The following PRKCH variants were observed in gnomAD, a reference collection of about 807,000 sequenced individuals.
PRKCH encodes the protein protein kinase C eta type.
PRKCH carries 28 observed loss-of-function variants against 82.5 expected under a neutral mutation model. The ratio of observed to expected loss-of-function variants is 0.34; its 90% CI spans 0.25 to 0.47. PRKCH has a LOEUF of 0.47. Among genes scored for constraint, PRKCH ranks in the 20% least tolerant of loss-of-function variants. The probability of loss-of-function intolerance (pLI) is 1.00; values close to 1 mark genes in which losing one functional copy is unlikely to be tolerated. For synonymous variants in PRKCH, 322 were observed against 327.4 expected (o/e 0.98, Z 0.18); for missense variants, 705 against 881.8 (o/e 0.80, Z 2.54).
At chr14:61,231,094 C>A (rs879507648) in intron 1 of PRKCH, among the ~76,000 whole-genome samples, 2 of 152,158 alleles carry the variant, frequency 1.3e-5, no homozygotes, top group Non-Finnish European at 2.9e-5. Flanking sequence ...GTTAAGAAAG[C>A]ACAGACTCTG....
At chr14:61,502,582 A>G (rs998665266) in intron 10 of PRKCH, among the ~76,000 whole-genome samples, 5 of 152,184 alleles carry the variant, frequency 3.3e-5, no homozygotes, top group Non-Finnish European at 7.3e-5. Context: ...AAAGAGTAGC[A>G]GCACATACTT....
intron 2 of PRKCH, among the ~76,000 whole-genome samples, chr14:61,410,393 T>A (rs8004774): frequency 6.6e-6 from 1 of 152,196 alleles, no homozygotes; most frequent in African/African-American, 2.4e-5. Flanking sequence ...TTAATCTTTT[T>A]ACTCTGCTCC....
chr14:61,381,498 C>T (rs1178871494), intron 1 of PRKCH, among the ~76,000 whole-genome samples: 1 of 152,158 alleles, frequency 6.6e-6, no homozygotes, highest in Non-Finnish European at 1.5e-5. Flanking sequence ...GTAGTATTTG[C>T]CTATTGCAAC....
intron 1 of PRKCH, among the ~76,000 whole-genome samples, chr14:61,340,043 T>C (rs1339356633): frequency 1.3e-5 from 2 of 151,990 alleles, no homozygotes; most frequent in African/African-American, 2.4e-5. Context: ...TTCAGTCCTC[T>C]GTTGGCCTTG....
intron 1 of PRKCH, among the ~76,000 whole-genome samples, chr14:61,268,414 C>T (rs2045123213): frequency 6.6e-6 from 1 of 151,992 alleles, no homozygotes. Flanking sequence ...ACCTGTAATC[C>T]CAGCACTTTG....
chr14:61,206,580 G>A (rs1030293983), intron 1 of PRKCH, among the ~76,000 whole-genome samples: 50 of 152,162 alleles, frequency 3.3e-4, no homozygotes, highest in Non-Finnish European at 6.8e-4. Flanking sequence ...GGAACATGGA[G>A]AAAGATAGGG....
intron 10 of PRKCH, among the ~76,000 whole-genome samples, chr14:61,510,166 T>C (rs1414589727): frequency 2.0e-5 from 3 of 152,086 alleles, no homozygotes; most frequent in Non-Finnish European, 4.4e-5. Context: ...AGCTGGCAGC[T>C]GAGGTAGATG....
rs115745793 is a variant in PRKCH at position 61,499,529 on chromosome 14, C to T, written c.1433+13873C>T. On this transcript the variant is annotated intron_variant, in intron 10 of 13. Transcript: ENST00000332981. ...ACATCTTGCTCCTCCCTTTTCACTG[C>T]TCCTCTGGCCTCCAGAGTAGCCATG... 4.1e-3 allele frequency among the ~76,000 whole-genome samples: 623 copies of T among 152,234 alleles called. 11 individuals carry two copies. The highest frequency in any genetic ancestry group is 0.014 in the African/African-American group (595 of 41,490).
At chr14:61,269,538 C>G (rs1024470851) in intron 1 of PRKCH, among the ~76,000 whole-genome samples, 1 of 152,144 alleles carries the variant, frequency 6.6e-6, no homozygotes, top group Non-Finnish European at 1.5e-5. Flanking sequence ...CTCATGGGCC[C>G]CAGGGTGCGT....
At chr14:61,209,124 C>T (rs1168442932) in intron 1 of PRKCH, among the ~76,000 whole-genome samples, 1 of 152,078 alleles carries the variant, frequency 6.6e-6, no homozygotes, top group Non-Finnish European at 1.5e-5. Flanking sequence ...CTCTCATGCT[C>T]TCTTGCCCTT....
At chr14:61,332,114 C>T (rs2045796451) in intron 1 of PRKCH, among the ~76,000 whole-genome samples, 1 of 152,196 alleles carries the variant, frequency 6.6e-6, no homozygotes, top group Non-Finnish European at 1.5e-5. Context: ...GCCATTCTCA[C>T]TAGTTTGGCA....
chr14:61,299,196 G>A (rs1007144656), intron 1 of PRKCH, among the ~76,000 whole-genome samples: 1 of 152,184 alleles, frequency 6.6e-6, no homozygotes, highest in African/African-American at 2.4e-5. Context: ...TGGGTACAGG[G>A]AGGGAGAATT....
At chr14:61,381,706 G>A (rs2046512303) in intron 1 of PRKCH, among the ~76,000 whole-genome samples, 1 of 152,218 alleles carries the variant, frequency 6.6e-6, no homozygotes, top group South Asian at 2.1e-4. Flanking sequence ...ACATCAGGCT[G>A]GTGCCACTCC....
At chr14:61,409,166 G>A (rs937528099) in intron 2 of PRKCH, among the ~76,000 whole-genome samples, 8 of 152,194 alleles carry the variant, frequency 5.3e-5, no homozygotes, top group Admixed American at 3.3e-4. Context: ...GTGCCATGGG[G>A]GTGGTGGCTG....
rs772294789 is a variant in PRKCH at position 61,280,475 on chromosome 14, G to A, written c.-19+92807G>A. The A allele has an allele frequency of 3.7e-6, 6 of 1,613,234 alleles. No individual in the cohort carries two copies. The highest frequency in any genetic ancestry group is 1.7e-5 in the Admixed American group (1 of 59,972). ...ACTGGCCGGCGCCAGTTGGGCGGGG[G>A]CGCCGTGCCCTGGAAGGCCAACGCC... On this transcript the variant is annotated intron_variant, in intron 1 of 3. Coordinates refer to the PRKCH transcript ENST00000555185. The surrounding 1 kb of genome is among the most constrained non-coding windows in gnomAD (Gnocchi z 5.0).
At chr14:61,444,213 T>C (rs1014993074) in intron 3 of PRKCH, among the ~76,000 whole-genome samples, 1 of 152,200 alleles carries the variant, frequency 6.6e-6, no homozygotes, top group Non-Finnish European at 1.5e-5. Context: ...CAGCTGTAGA[T>C]ATGAAGCCAA....
chr14:61,234,945 G>A (rs2044775418), intron 1 of PRKCH, among the ~76,000 whole-genome samples: 1 of 152,172 alleles, frequency 6.6e-6, no homozygotes, highest in Admixed American at 6.5e-5. Flanking sequence ...TTGGCATTTT[G>A]TGTCCCAGAA....
At chr14:61,442,853 A>G (rs1189454546) in intron 2 of PRKCH, 1 of 299,126 alleles carries the variant, frequency 3.3e-6, no homozygotes, top group South Asian at 5.5e-5. Flanking sequence ...TAGGAGCATC[A>G]CTTGGGCCTG....
chr14:61,197,760 A>G (rs1487730778), intron 1 of PRKCH, among the ~76,000 whole-genome samples: 1 of 152,102 alleles, frequency 6.6e-6, no homozygotes, highest in Admixed American at 6.5e-5. Flanking sequence ...ACACAAACCA[A>G]CACTATATCT....
Sources: gnomAD v4.1 joint callset for allele counts (sites outside exome capture counted in the v4.1 genomes callset) on GRCh38, gnomAD v4.1.1 for gene constraint, Gnocchi (gnomAD v3.1) non-coding constraint, MANE v1.5 for transcripts, NCBI Gene and HGNC (gene_info 2026-07-23, HGNC 2026-07-21) for gene names.